The following IL1RAPL1 variants were observed in gnomAD, a reference collection of about 807,000 sequenced individuals.
The protein encoded by IL1RAPL1 is interleukin 1 receptor accessory protein like 1.
Under a neutral mutation model 48.4 loss-of-function variants are expected in IL1RAPL1, and 3 were observed. The observed-to-expected ratio is 0.06, with a 90% CI of 0.03 to 0.16. The LOEUF (loss-of-function observed/expected upper bound fraction) is 0.16, where lower values mean the gene tolerates loss of function less well. Among genes scored for constraint, IL1RAPL1 ranks in the 10% least tolerant of loss-of-function variants. The probability of loss-of-function intolerance (pLI) is 1.00; values close to 1 mark genes in which losing one functional copy is unlikely to be tolerated. For missense variants in IL1RAPL1, 349 were observed against 530.6 expected, an observed-to-expected ratio of 0.66 and a Z score of 3.36; for synonymous variants, 185 against 187.7, an observed-to-expected ratio of 0.99 and a Z score of 0.12.
At chrX:28,951,510 GC>G (rs1253042923) in intron 2 of IL1RAPL1, among the ~76,000 whole-genome samples, 1 of 109,359 alleles carries the variant, frequency 9.1e-6, no homozygotes, top group Admixed American at 9.8e-5. Context: ...TAGAATATCA[GC>G]CTTTTATGAC....
Position 29,044,156 on chromosome X carries a change from G to C in IL1RAPL1, c.83-238782G>C, listed in dbSNP as rs184999233. On this transcript the variant is annotated intron_variant, in intron 2 of 10. Transcript: ENST00000378993. ...CATTTAAAACATATTTATGGGCTGG[G>C]CGTGGTGGCTTATGCCTGTAATCCT... 2.8e-4 allele frequency among the ~76,000 whole-genome samples: 31 copies of C among 111,511 alleles called. No individual in the cohort carries two copies. In the East Asian group the frequency reaches 8.5e-3, roughly 30 times the overall value.
At position 29,871,524 on chromosome X, in the gene IL1RAPL1, C is replaced by T. The variant is rs748685026; in HGVS notation, c.779-45940C>T. 7.1e-5 allele frequency among the ~76,000 whole-genome samples: 8 copies of T among 111,980 alleles called. No individual in the cohort carries two copies. In the South Asian group the frequency reaches 1.9e-3, roughly 26 times the overall value. On this transcript the variant is annotated intron_variant, in intron 6 of 10. Transcript: ENST00000378993. ...TCTTTAATTCTATAGGTTTTACCTGCGTAGTGTCTGACCTGAAAGTGACAA... is the reference window on the plus strand; with the variant it reads ...TCTTTAATTCTATAGGTTTTACCTGTGTAGTGTCTGACCTGAAAGTGACAA...
chrX:29,332,661 T>A (rs867011367), intron 3 of IL1RAPL1, among the ~76,000 whole-genome samples: 1 of 104,417 alleles, frequency 9.6e-6, no homozygotes, highest in African/African-American at 3.8e-5. Context: ...TTATTTTTTT[T>A]TTTTTATTGA....
At chrX:28,993,294 ATAT>A (rs1447919639) in intron 2 of IL1RAPL1, among the ~76,000 whole-genome samples, 1 of 111,849 alleles carries the variant, frequency 8.9e-6, no homozygotes, top group African/African-American at 3.3e-5. Flanking sequence ...TTTAAGAAAA[ATAT>A]TATTGCTATA....
At position 29,779,347 on chromosome X, in the gene IL1RAPL1, A is replaced by G. The variant is rs139157174; in HGVS notation, c.778+110843A>G. Among the ~76,000 whole-genome samples the G allele has an allele frequency of 2.3e-3, 256 of 111,358 alleles. 2 individuals carry two copies. The highest frequency in any genetic ancestry group is 8.1e-3 in the African/African-American group (248 of 30,707). On this transcript the variant is annotated intron_variant, in intron 6 of 10. Coordinates refer to ENST00000378993, the MANE Select transcript of IL1RAPL1 (RefSeq NM_014271.4). ...CACAGCTATGTTGATGCTGCACCCA[A>G]TTGGAACCAACGTTTATTTATTCCC...
At chrX:28,796,396 G>A (rs1038682949) in intron 2 of IL1RAPL1, among the ~76,000 whole-genome samples, 1 of 111,513 alleles carries the variant, frequency 9.0e-6, no homozygotes, top group Non-Finnish European at 1.9e-5. Flanking sequence ...AAGTCCCTTC[G>A]GCCTATGAGC....
At chrX:29,815,287 A>C (rs1355372253) in intron 6 of IL1RAPL1, among the ~76,000 whole-genome samples, 2 of 111,438 alleles carry the variant, frequency 1.8e-5, no homozygotes, top group East Asian at 2.8e-4. Context: ...CCTTGTAGAG[A>C]TCTTTCATCC....
chrX:29,898,996 T>A (rs916572996), intron 6 of IL1RAPL1, among the ~76,000 whole-genome samples: 4 of 111,825 alleles, frequency 3.6e-5, no homozygotes, highest in Non-Finnish European at 7.5e-5. Context: ...GAACGAATCT[T>A]GAGGACTATA....
At chrX:29,668,540 C>T (rs1320815207) in intron 6 of IL1RAPL1, 36 bp downstream of exon 6, 1 of 974,968 alleles carries the variant, frequency 1.0e-6, no homozygotes, top group Non-Finnish European at 1.5e-6. Flanking sequence ...ATATGCTGCT[C>T]TCGTTACATT....
At chrX:29,351,787 T>C (rs1252763946) in intron 3 of IL1RAPL1, among the ~76,000 whole-genome samples, 1 of 111,848 alleles carries the variant, frequency 8.9e-6, no homozygotes, top group Non-Finnish European at 1.9e-5. Flanking sequence ...TTCTTAACTT[T>C]TGTGCTTTTA....
chrX:28,656,648 G>C (rs1328339362), intron 1 of IL1RAPL1, among the ~76,000 whole-genome samples: 1 of 111,627 alleles, frequency 9.0e-6, no homozygotes, highest in African/African-American at 3.3e-5. Flanking sequence ...GGCCTTCGGT[G>C]ACCTCTTCAT....
chrX:28,905,315 T>C (rs915727029), intron 2 of IL1RAPL1, among the ~76,000 whole-genome samples: 1 of 111,859 alleles, frequency 8.9e-6, no homozygotes, highest in African/African-American at 3.2e-5. Flanking sequence ...AAAAGTATCA[T>C]ATATTTGCTG....
rs942045076 is a variant in IL1RAPL1, at chrX:28,704,841, A to C, written c.-24-84479A>C. ...ACACACACACACACACAAAAAAAAA[A>C]AAAAAAAACTGTGACTGGAGCATGA... is the stretch of plus-strand genomic sequence containing the variant. On this transcript the variant is annotated intron_variant, in intron 1 of 10. Coordinates refer to ENST00000378993, the MANE Select transcript of IL1RAPL1 (RefSeq NM_014271.4). 2.1e-3 allele frequency among the ~76,000 whole-genome samples: 217 copies of C among 105,537 alleles called. 1 individual carries two copies. Among genetic ancestry groups the C allele is most frequent in the African/African-American group, 7.1e-3 (202 of 28,397 alleles). 91.6% of individuals were successfully genotyped at this position (105,537 alleles called of 115,157 possible). A position where few individuals can be genotyped will look rare whatever the true frequency, so the allele number is the denominator to read the frequency against.
chrX:29,056,748 C>CCAT (rs1402130137), intron 2 of IL1RAPL1, among the ~76,000 whole-genome samples: 1 of 111,547 alleles, frequency 9.0e-6, no homozygotes, highest in Non-Finnish European at 1.9e-5. Flanking sequence ...GGTCTTAAAC[C>CCAT]CATCATGCAT....
intron 2 of IL1RAPL1, among the ~76,000 whole-genome samples, chrX:28,945,917 G>C (rs1924290814): frequency 9.3e-6 from 1 of 107,768 alleles, no homozygotes; most frequent in African/African-American, 3.4e-5. Flanking sequence ...GTGTGTGTGT[G>C]TGTGTGTGTA....
chrX:29,372,321 G>A (rs1933556689), intron 3 of IL1RAPL1, among the ~76,000 whole-genome samples: 1 of 111,839 alleles, frequency 8.9e-6, no homozygotes, highest in South Asian at 3.7e-4. Context: ...CTGAATATTA[G>A]ACTTTCGCCA....
chrX:29,646,194 T>C (rs1226402404), intron 5 of IL1RAPL1, among the ~76,000 whole-genome samples: 1 of 111,606 alleles, frequency 9.0e-6, no homozygotes, highest in African/African-American at 3.3e-5. Context: ...AGAGAAATAA[T>C]AAATTTCAAG....
intron 1 of IL1RAPL1, among the ~76,000 whole-genome samples, chrX:28,744,676 C>A (rs893182640): frequency 1.8e-5 from 2 of 111,586 alleles, no homozygotes; most frequent in Non-Finnish European, 3.8e-5. Context: ...ATAAACGCAG[C>A]AGAACAGGTG....
At chrX:28,811,470 G>A (rs776207943) in intron 2 of IL1RAPL1, among the ~76,000 whole-genome samples, 3 of 110,455 alleles carry the variant, frequency 2.7e-5, no homozygotes, top group Non-Finnish European at 5.7e-5. Context: ...CTGAAGCTGA[G>A]GGTTGTTGAA....
Sources: allele counts gnomAD v4.1 joint callset (sites outside exome capture counted in the v4.1 genomes callset), GRCh38; gene constraint gnomAD v4.1.1; transcripts MANE v1.5; gene names NCBI Gene and HGNC (gene_info 2026-07-23, HGNC 2026-07-21).